ROBO1: variants seen among roughly 807,000 people sequenced by gnomAD.
The protein encoded by ROBO1 is roundabout homolog 1.
In ROBO1, 149 loss-of-function variants were observed where a neutral mutation model predicts 195.9. The observed-to-expected ratio is 0.76, with a 90% CI of 0.67 to 0.87. ROBO1 has a LOEUF of 0.87. ROBO1 is among the 40% of genes least tolerant of loss of function. The pLI is 0.00. For missense variants in ROBO1, 1,933 were observed against 2,068.3 expected (o/e 0.93, Z 1.27); for synonymous variants, 816 against 733.2 (o/e 1.11, Z -1.82).
At chr3:79,735,594 G>A (rs1313699084) in intron 1 of ROBO1, among the ~76,000 whole-genome samples, 1 of 152,156 alleles carries the variant, frequency 6.6e-6, no homozygotes, top group Non-Finnish European at 1.5e-5. Flanking sequence ...ACACTGGCCG[G>A]GCGCGGTGGC....
In ROBO1 at chr3:78,960,780, AC is replaced by A. The variant is rs1257785880; in HGVS notation, c.173-21854del. Among the ~76,000 whole-genome samples the A allele has an allele frequency of 2.0e-3, 7 of 3,572 alleles. No individual in the cohort carries two copies. In the East Asian group the frequency reaches 0.18, roughly 93 times the overall value. 2.3% of individuals were successfully genotyped at this position (3,572 alleles called of 152,430 possible). On this transcript the variant is annotated intron_variant, in intron 3 of 30. Coordinates refer to ENST00000464233, the MANE Select transcript of ROBO1 (RefSeq NM_002941.4). ...CAACGAAGCGAGACTCCGTATTAAA[AC>A]ACACACACACACACACACACACACA...
At chr3:79,335,874 T>G (rs1223339512) in intron 2 of ROBO1, among the ~76,000 whole-genome samples, 2 of 152,184 alleles carry the variant, frequency 1.3e-5, no homozygotes, top group Non-Finnish European at 2.9e-5. Flanking sequence ...TTGACCAAAA[T>G]GCTGATAGTG....
chr3:78,713,319 C>T (rs2081813153), intron 8 of ROBO1, among the ~76,000 whole-genome samples: 2 of 151,770 alleles, frequency 1.3e-5, no homozygotes, highest in South Asian at 4.2e-4. Flanking sequence ...TGTACAAAGC[C>T]CACAGTAGAA....
At chr3:79,562,490 T>C (rs973153549) in intron 2 of ROBO1, among the ~76,000 whole-genome samples, 2 of 152,036 alleles carry the variant, frequency 1.3e-5, no homozygotes, top group Admixed American at 6.6e-5. Flanking sequence ...TATATATCAT[T>C]GGGAAATCAT....
intron 1 of ROBO1, among the ~76,000 whole-genome samples, chr3:79,705,936 T>C (rs1301402381): frequency 6.6e-6 from 1 of 152,154 alleles, no homozygotes; most frequent in African/African-American, 2.4e-5. Flanking sequence ...CTGATATGAA[T>C]ATTGTGTTTT....
intron 3 of ROBO1, among the ~76,000 whole-genome samples, chr3:78,954,240 A>G (rs780879477): frequency 3.9e-5 from 6 of 152,074 alleles, no homozygotes; most frequent in Non-Finnish European, 8.8e-5. Flanking sequence ...CATCTATAAT[A>G]AAGCATCTCT....
intron 2 of ROBO1, among the ~76,000 whole-genome samples, chr3:79,203,031 T>A (rs561786070): frequency 1.3e-5 from 2 of 152,062 alleles, no homozygotes; most frequent in South Asian, 4.2e-4. Context: ...GAAAAAAAAA[T>A]ATCTACCTAC....
intron 3 of ROBO1, among the ~76,000 whole-genome samples, chr3:79,005,285 C>T (rs551396192): frequency 3.9e-4 from 60 of 152,290 alleles, no homozygotes; most frequent in African/African-American, 1.4e-3. Context: ...CTGTGAGCGT[C>T]TCATATGATT....
chr3:79,039,883 C>T (rs966829515), intron 3 of ROBO1, among the ~76,000 whole-genome samples: 3 of 150,000 alleles, frequency 2.0e-5, no homozygotes, highest in African/African-American at 7.4e-5. Flanking sequence ...TCAGTTTTCT[C>T]GTTTGTAAAA....
chr3:78,953,388 A>C (rs1410266512), intron 3 of ROBO1, among the ~76,000 whole-genome samples: 1 of 152,024 alleles, frequency 6.6e-6, no homozygotes, highest in Non-Finnish European at 1.5e-5. Flanking sequence ...GCATGTGTTA[A>C]AGTCCAAATT....
In ROBO1 at chr3:79,578,669, T is replaced by C. The variant is rs143272919; in HGVS notation, c.88+11155A>G. On this transcript the variant is annotated intron_variant, in intron 2 of 30. Transcript: ENST00000464233. ...ACCCAGAATGCCTGCAGAAAAAATG[T>C]ATACAGCTGCCTAATAATCATAATA... Among the ~76,000 whole-genome samples, 9 of 152,326 alleles carry C rather than the reference T, an allele frequency of 5.9e-5. No individual in the cohort carries two copies. The East Asian group carries it at 1.7e-3, about 29-fold the overall frequency.
chr3:79,417,425 A>G (rs545392226), intron 2 of ROBO1, among the ~76,000 whole-genome samples: 17 of 152,216 alleles, frequency 1.1e-4, no homozygotes, highest in Non-Finnish European at 2.4e-4. Context: ...CTTGACCATA[A>G]CTTTAATGAA....
chr3:78,756,219 C>T (rs1021718455), intron 4 of ROBO1, among the ~76,000 whole-genome samples: 4 of 151,676 alleles, frequency 2.6e-5, no homozygotes, highest in Non-Finnish European at 4.4e-5. Context: ...CAAAACAAAA[C>T]AAAAAACACT....
At chr3:79,467,234 A>G (rs1199462649) in intron 2 of ROBO1, among the ~76,000 whole-genome samples, 4 of 152,044 alleles carry the variant, frequency 2.6e-5, no homozygotes, top group Non-Finnish European at 5.9e-5. Context: ...ACATTAGACC[A>G]TGATTCTAAA....
intron 2 of ROBO1, among the ~76,000 whole-genome samples, chr3:79,228,831 A>G (rs1339077840): frequency 6.6e-6 from 1 of 152,154 alleles, no homozygotes; most frequent in Non-Finnish European, 1.5e-5. Context: ...GATCATCTGT[A>G]GCATATATTA....
intron 3 of ROBO1, among the ~76,000 whole-genome samples, chr3:79,062,006 T>G (rs554610274): frequency 6.6e-6 from 1 of 152,152 alleles, no homozygotes; most frequent in Admixed American, 6.5e-5. Context: ...AAATGGGATC[T>G]CATTAAACTA....
At chr3:79,720,613 G>C (rs1396058844) in intron 1 of ROBO1, among the ~76,000 whole-genome samples, 1 of 152,124 alleles carries the variant, frequency 6.6e-6, no homozygotes, top group Non-Finnish European at 1.5e-5. Flanking sequence ...CAAGACAAGA[G>C]AGAGTCTAAT....
chr3:78,717,119 G>A (rs190157668), intron 7 of ROBO1, among the ~76,000 whole-genome samples, 156 bp downstream of exon 7: 1 of 152,236 alleles, frequency 6.6e-6, no homozygotes, highest in East Asian at 1.9e-4. Context: ...AAGCAGGATG[G>A]CAACCTCCTG....
intron 2 of ROBO1, among the ~76,000 whole-genome samples, chr3:79,247,626 G>T (rs917827706): frequency 2.0e-5 from 3 of 151,934 alleles, no homozygotes; most frequent in Non-Finnish European, 2.9e-5. Flanking sequence ...AAGCTTTTCA[G>T]CTGCTGATCA....
Sources: gnomAD v4.1 joint callset for allele counts (sites outside exome capture counted in the v4.1 genomes callset) on GRCh38, gnomAD v4.1.1 for gene constraint, MANE v1.5 for transcripts, NCBI Gene and HGNC (gene_info 2026-07-23, HGNC 2026-07-21) for gene names.